GALNT18: variants seen among roughly 807,000 people sequenced by gnomAD.
The protein encoded by GALNT18 is polypeptide N-acetylgalactosaminyltransferase 18.
In GALNT18, 44 loss-of-function variants were observed where a neutral mutation model predicts 69.5. That is an observed-to-expected ratio of 0.63 (90% confidence interval 0.50 to 0.81). The LOEUF (loss-of-function observed/expected upper bound fraction) is 0.81, where lower values mean the gene tolerates loss of function less well. Ranked by LOEUF, GALNT18 falls within the 40% of genes least tolerant of loss-of-function variation. The probability of loss-of-function intolerance (pLI) is 0.00; values close to 1 mark genes in which losing one functional copy is unlikely to be tolerated. For missense variants in GALNT18, 715 were observed against 810.0 expected, an observed-to-expected ratio of 0.88 and a Z score of 1.42; for synonymous variants, 364 against 318.2, an observed-to-expected ratio of 1.14 and a Z score of -1.53.
chr11:11,286,006 A>T (rs1328574482), intron 10 of GALNT18, among the ~76,000 whole-genome samples: 1 of 152,128 alleles, frequency 6.6e-6, no homozygotes, highest in Non-Finnish European at 1.5e-5. Context: ...ATTAACAGAC[A>T]TCTCTGTGGC....
intron 1 of GALNT18, among the ~76,000 whole-genome samples, chr11:11,576,374 A>G (rs1858923413): frequency 6.6e-6 from 1 of 152,246 alleles, no homozygotes; most frequent in Non-Finnish European, 1.5e-5. Context: ...TTCCAGCTAT[A>G]GTAATTGCCC....
In GALNT18 at chr11:11,396,621, T is replaced by C. The variant is rs906629210; in HGVS notation, c.596-17357A>G. Among the ~76,000 whole-genome samples, 4 of 152,124 alleles carry C rather than the reference T, an allele frequency of 2.6e-5. No individual in the cohort carries two copies. The highest frequency in any genetic ancestry group is 5.9e-5 in the Non-Finnish European group (4 of 68,018). ...AATTGCAAAGATTTGCACGCGGGAC[T>C]CCAGTCTGGGGCAATAGTGTGGTTG... is the stretch of plus-strand genomic sequence containing the variant. On this transcript the variant is annotated intron_variant, in intron 3 of 10. Transcript: ENST00000227756. The surrounding 1 kb of genome is among the most constrained non-coding windows in gnomAD (Gnocchi z 5.2).
chr11:11,288,636 T>A (rs775936112), intron 10 of GALNT18, among the ~76,000 whole-genome samples: 1 of 152,202 alleles, frequency 6.6e-6, no homozygotes, highest in East Asian at 1.9e-4. Context: ...CTGTTCATCA[T>A]TGGAAAATTG....
chr11:11,362,702 AGAAG>A (rs1850671052), intron 6 of GALNT18, among the ~76,000 whole-genome samples: 5 of 152,172 alleles, frequency 3.3e-5, no homozygotes, highest in African/African-American at 7.2e-5. Flanking sequence ...TATGGCTGTG[AGAAG>A]ACAGGCACCT....
chr11:11,349,223 G>T (rs779696882), intron 6 of GALNT18, among the ~76,000 whole-genome samples: 2 of 152,120 alleles, frequency 1.3e-5, no homozygotes, highest in Non-Finnish European at 2.9e-5. Flanking sequence ...CGACAGTCTT[G>T]TTTCCGGTAT....
rs1859499045 is a variant in GALNT18, at chr11:11,596,302, T to C, written c.235+25057A>G. On this transcript the variant is annotated intron_variant, in intron 1 of 10. Transcript: ENST00000227756. This position sits in a 1 kb window ranked among gnomAD's most constrained non-coding sequence, Gnocchi z 4.2. The stretch of plus-strand genomic sequence containing the variant: ...AATTACTGTAGCTTCACAGTACATT[T>C]TCAGATCAAAAAAATGTGAGTTGTC... 6.6e-6 allele frequency among the ~76,000 whole-genome samples: 1 copy of C among 152,182 alleles called. No homozygotes were observed. Among genetic ancestry groups the C allele is most frequent in the Non-Finnish European group, 1.5e-5 (1 of 68,026 alleles).
Position 11,271,049 on chromosome 11 carries a change from T to C in GALNT18, c.*95A>G. 3 of 1,187,662 alleles carry C rather than the reference T, an allele frequency of 2.5e-6. No homozygotes were observed. The highest frequency in any genetic ancestry group is 3.5e-6 in the Non-Finnish European group (3 of 855,216). The allele number at this position is 1,187,662 out of a possible 1,614,324, so 73.6% of individuals were successfully genotyped here. ...CTTCTTGGGGGCCCACTAACCTGGT[T>C]CCCCAGACTCCAAACAACCCCACGT... On this transcript the variant is annotated 3_prime_UTR_variant, in exon 11 of 11. Coordinates refer to ENST00000227756, the MANE Select transcript of GALNT18 (RefSeq NM_198516.3).
rs866280005 is a variant in GALNT18, at chr11:11,614,368, G to A, written c.235+6991C>T. Among the ~76,000 whole-genome samples, 4 of 139,420 alleles carry A rather than the reference G, an allele frequency of 2.9e-5. 1 individual carries two copies. Among genetic ancestry groups the A allele is most frequent in the African/African-American group, 1.2e-4 (4 of 32,950 alleles). 91.5% of individuals were successfully genotyped at this position (139,420 alleles called of 152,430 possible). A position where few individuals can be genotyped will look rare whatever the true frequency, so the allele number is the denominator to read the frequency against. The stretch of plus-strand genomic sequence containing the variant: ...AGTGAGGAGAAGAAGAAGAAGAGGA[G>A]GAGGAGGAGGAGGAGGAGGAGGAGG... On this transcript the variant is annotated intron_variant, in intron 1 of 10. Coordinates refer to ENST00000227756, the MANE Select transcript of GALNT18 (RefSeq NM_198516.3). The surrounding 1 kb of genome is among the most constrained non-coding windows in gnomAD (Gnocchi z 5.6).
chr11:11,557,810 A>G (rs1858368555), intron 1 of GALNT18, among the ~76,000 whole-genome samples: 1 of 152,198 alleles, frequency 6.6e-6, no homozygotes, highest in Non-Finnish European at 1.5e-5. Flanking sequence ...GGCACTCATT[A>G]CCATCTAGCC....
rs1456184246 is a variant in GALNT18, at chr11:11,320,738, A to G, written c.1512+6348T>C. ...TGCGTTCATCATGGGTGGATGTAGG[A>G]GCTCAGGCTGGGAATACCCAGCCCG... On this transcript the variant is annotated intron_variant, in intron 9 of 10. Coordinates refer to ENST00000227756, the MANE Select transcript of GALNT18 (RefSeq NM_198516.3). The surrounding 1 kb of genome is among the most constrained non-coding windows in gnomAD (Gnocchi z 4.9). 6.6e-6 allele frequency among the ~76,000 whole-genome samples: 1 copy of G among 152,102 alleles called. No homozygotes were observed. Among genetic ancestry groups the G allele is most frequent in the Non-Finnish European group, 1.5e-5 (1 of 68,010 alleles).
rs1262924217 is a variant in GALNT18 at position 11,377,562 on chromosome 11, T to G, written c.780-183A>C. ...ATTCAACTTCCCGCTCCCTGAGGAT[T>G]GCCGGAATGGCAAGAGGCTGCACCA... is the stretch of plus-strand genomic sequence containing the variant. On this transcript the variant is annotated intron_variant, in intron 4 of 10. Coordinates refer to ENST00000227756, the MANE Select transcript of GALNT18 (RefSeq NM_198516.3). This position sits in a 1 kb window ranked among gnomAD's most constrained non-coding sequence, Gnocchi z 4.6. Among the ~76,000 whole-genome samples the G allele has an allele frequency of 6.6e-6, 1 of 152,030 alleles. No homozygotes were observed. Among genetic ancestry groups the G allele is most frequent in the Admixed American group, 6.5e-5 (1 of 15,270 alleles).
At chr11:11,571,740 G>T (rs1188804246) in intron 1 of GALNT18, among the ~76,000 whole-genome samples, 1 of 152,172 alleles carries the variant, frequency 6.6e-6, no homozygotes, top group Non-Finnish European at 1.5e-5. Context: ...CACGTAATGA[G>T]GTTATTTTAT....
intron 1 of GALNT18, among the ~76,000 whole-genome samples, chr11:11,506,151 G>A (rs537652096): frequency 2.6e-5 from 4 of 152,134 alleles, no homozygotes; most frequent in Admixed American, 6.5e-5. Context: ...TTTATTTATC[G>A]ATTTCAAACA....
rs535045663 is a variant in GALNT18 at position 11,583,466 on chromosome 11, C to T, written c.235+37893G>A. The stretch of plus-strand genomic sequence containing the variant: ...AATCCATAGGTGAAAATAAAATCCA[C>T]GGGGTAAAAAGGTTTCTAGCTCTGT... On this transcript the variant is annotated intron_variant, in intron 1 of 10. Coordinates refer to ENST00000227756, the MANE Select transcript of GALNT18 (RefSeq NM_198516.3). The surrounding 1 kb of genome is among the most constrained non-coding windows in gnomAD (Gnocchi z 4.7). Among the ~76,000 whole-genome samples, 24 of 152,248 alleles carry T rather than the reference C, an allele frequency of 1.6e-4. No homozygotes were observed. The highest frequency in any genetic ancestry group is 4.1e-4 in the African/African-American group (17 of 41,558).
chr11:11,332,751 G>GT lies in GALNT18; in HGVS notation c.1358dup (p.Tyr453Ter), dbSNP rs778254953. ...KQLQCKTFRW[Y>*]LVSVYPEMRM... ...TCATCTCTGGGTACACGCTGACCAG[G>GT]TACCACCGGAAGGTCTTGCACTGCA... Residue 453 changes from tyrosine (Y) to a stop codon, truncating the protein, a stop_gained and frameshift_variant, in exon 8 of 11, where the codon TAC (tyrosine) becomes TAAC (stop). Coordinates refer to ENST00000227756, the MANE Select transcript of GALNT18 (RefSeq NM_198516.3). LOFTEE classifies it high-confidence loss of function. This position sits in a 1 kb window ranked among gnomAD's most constrained non-coding sequence, Gnocchi z 4.3. 1.9e-6 allele frequency: 3 copies of GT among 1,614,074 alleles called. No homozygotes were observed. The highest frequency in any genetic ancestry group is 2.5e-6 in the Non-Finnish European group (3 of 1,179,994).
chr11:11,509,095 C>CATT (rs561950512), intron 1 of GALNT18, among the ~76,000 whole-genome samples: 265 of 152,162 alleles, frequency 1.7e-3, no homozygotes, highest in African/African-American at 6.1e-3. Context: ...TTTTCCCTTG[C>CATT]CCATTCTGAA....
chr11:11,326,952 C>A, intron 9 of GALNT18, 134 bp downstream of exon 9: 1 of 649,890 alleles, frequency 1.5e-6, no homozygotes, highest in Non-Finnish European at 2.7e-6. Context: ...AATGAAAAGC[C>A]CCAGAGGCCC....
At chr11:11,418,961 G>A (rs1053306620) in intron 3 of GALNT18, among the ~76,000 whole-genome samples, 1 of 152,142 alleles carries the variant, frequency 6.6e-6, no homozygotes, top group Non-Finnish European at 1.5e-5. Context: ...ATTAGAGTGG[G>A]AGGGACCTAC....
intron 9 of GALNT18, among the ~76,000 whole-genome samples, chr11:11,303,887 C>A (rs1849536597): frequency 6.6e-6 from 1 of 152,210 alleles, no homozygotes; most frequent in African/African-American, 2.4e-5. Flanking sequence ...TCGCTTTGAC[C>A]CTCAGGAAGT....
Sources: allele counts gnomAD v4.1 joint callset (sites outside exome capture counted in the v4.1 genomes callset), GRCh38; gene constraint gnomAD v4.1.1; non-coding constraint Gnocchi (gnomAD v3.1); transcripts MANE v1.5; gene names NCBI Gene and HGNC (gene_info 2026-07-23, HGNC 2026-07-21).